Variants in KLHL29 observed in about 807,000 individuals in gnomAD.
KLHL29 encodes the protein kelch-like protein 29.
KLHL29 carries 21 observed loss-of-function variants against 80.4 expected under a neutral mutation model. That is an observed-to-expected ratio of 0.26 (90% CI 0.19 to 0.38). The LOEUF (loss-of-function observed/expected upper bound fraction) is 0.38. Ranked by LOEUF, KLHL29 falls within the 10% of genes least tolerant of loss-of-function variation. KLHL29 has a pLI of 1.00. For missense variants in KLHL29, 867 were observed against 1,223.9 expected (o/e 0.71, Z 4.35); for synonymous variants, 511 against 526.8 (o/e 0.97, Z 0.41).
intron 2 of KLHL29, among the ~76,000 whole-genome samples, chr2:23,550,903 C>A (rs1046147278): frequency 6.6e-6 from 1 of 152,184 alleles, no homozygotes; most frequent in East Asian, 1.9e-4. Flanking sequence ...GCCTGAGAGG[C>A]GGCCCTGGGA....
intron 5 of KLHL29, among the ~76,000 whole-genome samples, chr2:23,655,080 G>A (rs1670207064): frequency 6.6e-6 from 1 of 152,156 alleles, no homozygotes; most frequent in Non-Finnish European, 1.5e-5. Context: ...AACCGTTGTT[G>A]GGATGGCTGG....
intron 2 of KLHL29, among the ~76,000 whole-genome samples, chr2:23,489,545 C>T (rs1211442762): frequency 2.0e-5 from 3 of 152,246 alleles, no homozygotes; most frequent in South Asian, 2.1e-4. Context: ...CCTCCTGCCA[C>T]GCTGAAGTCA....
chr2:23,683,679 CT>C (rs1384435229), intron 5 of KLHL29, among the ~76,000 whole-genome samples: 2 of 152,210 alleles, frequency 1.3e-5, no homozygotes, highest in Non-Finnish European at 2.9e-5. Flanking sequence ...ATCTGCCGGG[CT>C]GTAAAGCAGG....
rs920112764 is a variant in KLHL29 at position 23,562,621 on chromosome 2, C to T, written c.285+140C>T. Reference sequence around the variant, plus strand: ...CCTCCAGAGTCTTGTCCTTCCAGGACCTGGGCCTGGAAACTGTTTGCGAGC... The same window carrying T: ...CCTCCAGAGTCTTGTCCTTCCAGGATCTGGGCCTGGAAACTGTTTGCGAGC... On this transcript the variant is annotated intron_variant, in intron 3 of 13. Coordinates refer to ENST00000486442, the MANE Select transcript of KLHL29 (RefSeq NM_052920.2). This position sits in a 1 kb window ranked among gnomAD's most constrained non-coding sequence, Gnocchi z 4.5. The T allele has an allele frequency of 6.1e-6, 5 of 821,972 alleles. No homozygotes were observed. The highest frequency in any genetic ancestry group is 9.2e-6 in the Non-Finnish European group (5 of 543,458). 50.9% of individuals were successfully genotyped at this position (821,972 alleles called of 1,614,324 possible).
At chr2:23,671,101 G>C (rs978895277) in intron 5 of KLHL29, among the ~76,000 whole-genome samples, 4 of 150,134 alleles carry the variant, frequency 2.7e-5, no homozygotes, top group Non-Finnish European at 5.9e-5. Flanking sequence ...ATTAGCTCCT[G>C]GCATCTGGGG....
chr2:23,551,036 G>C (rs890816225), intron 2 of KLHL29, among the ~76,000 whole-genome samples: 1 of 152,248 alleles, frequency 6.6e-6, no homozygotes, highest in African/African-American at 2.4e-5. Context: ...TCCTTGTGGA[G>C]CCACGAGAAC....
chr2:23,619,309 G>A (rs1174939474), intron 3 of KLHL29, among the ~76,000 whole-genome samples: 1 of 152,222 alleles, frequency 6.6e-6, no homozygotes, highest in Non-Finnish European at 1.5e-5. Context: ...GGCTTCTCCT[G>A]CAGTGTGAAG....
intron 2 of KLHL29, among the ~76,000 whole-genome samples, chr2:23,551,808 G>A (rs1667137447): frequency 6.6e-6 from 1 of 152,152 alleles, no homozygotes; most frequent in African/African-American, 2.4e-5. Flanking sequence ...TGCAGATTCT[G>A]ACTCAGTAGT....
intron 3 of KLHL29, among the ~76,000 whole-genome samples, chr2:23,597,434 T>C (rs1668456707): frequency 2.1e-5 from 2 of 95,432 alleles, no homozygotes; most frequent in Non-Finnish European, 4.3e-5. Flanking sequence ...TTTTTTTTTT[T>C]TTTTTCTGAG....
intron 2 of KLHL29, among the ~76,000 whole-genome samples, chr2:23,527,914 G>C (rs1275452879): frequency 6.6e-6 from 1 of 152,144 alleles, no homozygotes; most frequent in African/African-American, 2.4e-5. Flanking sequence ...GCTCTGCCAG[G>C]AGATCAAGGT....
chr2:23,518,570 C>A (rs1572372387), intron 2 of KLHL29, among the ~76,000 whole-genome samples: 1 of 152,198 alleles, frequency 6.6e-6, no homozygotes, highest in Non-Finnish European at 1.5e-5. Context: ...CCAGCTGTCC[C>A]CTCCGGGAAG....
At chr2:23,434,040 G>A (rs1011982286) in intron 1 of KLHL29, among the ~76,000 whole-genome samples, 2 of 152,126 alleles carry the variant, frequency 1.3e-5, no homozygotes, top group Non-Finnish European at 1.5e-5. Flanking sequence ...GCTAGGCTCC[G>A]GCCGGGCGCG....
intron 1 of KLHL29, among the ~76,000 whole-genome samples, chr2:23,387,201 C>A (rs1331704037): frequency 6.6e-6 from 1 of 152,228 alleles, no homozygotes; most frequent in Admixed American, 6.5e-5. Context: ...GGACGCCGAG[C>A]TGCTGCTGCC....
chr2:23,587,855 G>T (rs1228996403), intron 3 of KLHL29, among the ~76,000 whole-genome samples: 2 of 152,160 alleles, frequency 1.3e-5, no homozygotes, highest in Non-Finnish European at 2.9e-5. Flanking sequence ...GAATCCTGAC[G>T]CATGGGCAGG....
intron 2 of KLHL29, among the ~76,000 whole-genome samples, chr2:23,495,762 G>T (rs1018879529): frequency 6.6e-6 from 1 of 152,218 alleles, no homozygotes; most frequent in African/African-American, 2.4e-5. Context: ...CATGGCTGTG[G>T]ACGCCTACCT....
At chr2:23,585,431 C>T (rs922102258) in intron 3 of KLHL29, among the ~76,000 whole-genome samples, 2 of 152,162 alleles carry the variant, frequency 1.3e-5, no homozygotes, top group Non-Finnish European at 2.9e-5. Context: ...TCTGTGCCAC[C>T]AGGCCCTGTT....
At chr2:23,532,021 C>T (rs764528470) in intron 2 of KLHL29, among the ~76,000 whole-genome samples, 14 of 152,332 alleles carry the variant, frequency 9.2e-5, no homozygotes, top group South Asian at 2.1e-4. Flanking sequence ...GAAGCCTCGA[C>T]GGCCCTTGAC....
chr2:23,659,288 T>A (rs1391578342), intron 5 of KLHL29, among the ~76,000 whole-genome samples: 1 of 152,200 alleles, frequency 6.6e-6, no homozygotes, highest in Non-Finnish European at 1.5e-5. Flanking sequence ...CAGACACTCT[T>A]CTAGCATGTT....
In KLHL29 at chr2:23,681,818, T is replaced by G. The variant is rs2149188398; in HGVS notation, c.941-2581T>G. Among the ~76,000 whole-genome samples the G allele has an allele frequency of 6.6e-6, 1 of 152,208 alleles. No homozygotes were observed. Among genetic ancestry groups the G allele is most frequent in the East Asian group, 1.9e-4 (1 of 5,178 alleles). On this transcript the variant is annotated intron_variant, in intron 5 of 13. Coordinates refer to ENST00000486442, the MANE Select transcript of KLHL29 (RefSeq NM_052920.2). This position sits in a 1 kb window ranked among gnomAD's most constrained non-coding sequence, Gnocchi z 4.2. ...GGGATGTCATCTACCTGGCTCGTGG[T>G]TTGGGCATTAATTCGGCTGGTGACT...
Sources: allele counts gnomAD v4.1 joint callset (sites outside exome capture counted in the v4.1 genomes callset), GRCh38; gene constraint gnomAD v4.1.1; non-coding constraint Gnocchi (gnomAD v3.1); transcripts MANE v1.5; gene names NCBI Gene and HGNC (gene_info 2026-07-23, HGNC 2026-07-21).